PARVB: variants seen among roughly 807,000 people sequenced by gnomAD.
The protein encoded by PARVB is beta-parvin.
In PARVB, 46 loss-of-function variants were observed where a neutral mutation model predicts 47.0. The ratio of observed to expected loss-of-function variants is 0.98; its 90% CI spans 0.77 to 1.25. The LOEUF (loss-of-function observed/expected upper bound fraction) is 1.25. PARVB is among the 50% of genes most tolerant of loss of function. The pLI, the probability that PARVB is intolerant of heterozygous loss-of-function variation, is 0.00. For synonymous variants in PARVB, 196 were observed against 196.3 expected (o/e 1.00, Z 0.01); for missense variants, 473 against 471.6 (o/e 1.00, Z -0.03).
chr22:44,054,526 T>G (rs751261086), intron 1 of PARVB, among the ~76,000 whole-genome samples: 8 of 151,336 alleles, frequency 5.3e-5, no homozygotes, highest in Non-Finnish European at 1.0e-4. Flanking sequence ...GTTAAACTCA[T>G]AGAGAGAGGA....
At chr22:44,044,783 G>T (rs2146925843) in intron 1 of PARVB, among the ~76,000 whole-genome samples, 1 of 152,340 alleles carries the variant, frequency 6.6e-6, no homozygotes, top group Non-Finnish European at 1.5e-5. Flanking sequence ...ACTGTGCTTG[G>T]CTTGGGAGAG....
intron 2 of PARVB, among the ~76,000 whole-genome samples, chr22:44,013,296 G>A (rs16991341): frequency 0.2 from 30,949 of 152,162 alleles, 3,582 homozygotes; most frequent in East Asian, 0.37. Context: ...TCCCATCCAG[G>A]GGTATCACGT....
chr22:44,096,183 C>A (rs1210088318), intron 2 of PARVB, among the ~76,000 whole-genome samples: 2 of 152,224 alleles, frequency 1.3e-5, no homozygotes, highest in Non-Finnish European at 2.9e-5. Flanking sequence ...CGAGGTTGCA[C>A]CACTGCGCTC....
chr22:44,116,912 T>G (rs1289209083), intron 3 of PARVB, among the ~76,000 whole-genome samples: 2 of 151,868 alleles, frequency 1.3e-5, no homozygotes, highest in African/African-American at 4.8e-5. Context: ...AGGCAGGGTG[T>G]TCAGGTGGCT....
rs192772921 is a variant in PARVB, at chr22:44,122,971, A to T, written c.376+3831A>T. Among the ~76,000 whole-genome samples, 160 of 152,276 alleles carry T rather than the reference A, an allele frequency of 1.1e-3. 3 individuals are homozygous for T. Among genetic ancestry groups the T allele is most frequent in the Non-Finnish European group, 4.6e-4 (31 of 68,026 alleles). ...ATATTGTGGGAATATCCTCGTGCAG[A>T]TGTTACAGAAACTAGAATTGTTGAC... On this transcript the variant is annotated intron_variant, in intron 4 of 12. Coordinates refer to ENST00000338758, the MANE Select transcript of PARVB (RefSeq NM_013327.5).
rs2147143066 is a variant in PARVB, at chr22:44,125,292, G to T, written c.376+6152G>T. ...GCTCTTGGCTGTAGAGACACAGTGG[G>T]AAACAAGAGAGATGAGCCCCGCACC... On this transcript the variant is annotated intron_variant, in intron 4 of 12. Coordinates refer to ENST00000338758, the MANE Select transcript of PARVB (RefSeq NM_013327.5). This position sits in a 1 kb window ranked among gnomAD's most constrained non-coding sequence, Gnocchi z 4.1. Among the ~76,000 whole-genome samples, 1 of 142,396 alleles carries T rather than the reference G, an allele frequency of 7.0e-6. No individual in the cohort carries two copies. The highest frequency in any genetic ancestry group is 6.8e-5 in the Admixed American group (1 of 14,634). 93.4% of individuals were successfully genotyped at this position (142,396 alleles called of 152,430 possible).
upstream of PARVB, among the ~76,000 whole-genome samples, chr22:44,020,526 C>T (rs1292741910): frequency 6.6e-6 from 1 of 152,178 alleles, no homozygotes; most frequent in Non-Finnish European, 1.5e-5. Flanking sequence ...TCTGCCTGTG[C>T]TTCTGACTGG....
chr22:44,018,888 AAC>A (rs1311115523), intron 2 of PARVB, among the ~76,000 whole-genome samples: 2 of 147,248 alleles, frequency 1.4e-5, no homozygotes, highest in Non-Finnish European at 3.0e-5. Flanking sequence ...GCTATAAAGG[AAC>A]GCCTGGAGCT....
intron 1 of PARVB, among the ~76,000 whole-genome samples, chr22:44,083,054 T>C (rs1047846665): frequency 6.6e-6 from 1 of 152,078 alleles, no homozygotes; most frequent in Non-Finnish European, 1.5e-5. Context: ...AAGTCCCTAA[T>C]TGCGGAGCGG....
intron 1 of PARVB, among the ~76,000 whole-genome samples, chr22:44,047,921 C>G (rs1472604484): frequency 6.6e-6 from 1 of 152,206 alleles, no homozygotes; most frequent in Non-Finnish European, 1.5e-5. Flanking sequence ...TGCCTCCCCT[C>G]CGGCTCCCCT....
intron 3 of PARVB, chr22:44,111,100 GT>G (rs2052686634): frequency 6.6e-6 from 1 of 150,620 alleles, no homozygotes; most frequent in Non-Finnish European, 1.5e-5. Flanking sequence ...GCTTCTCTGT[GT>G]TTTTCATTTT....
At chr22:44,095,865 C>G (rs1351472809) in intron 2 of PARVB, among the ~76,000 whole-genome samples, 1 of 152,218 alleles carries the variant, frequency 6.6e-6, no homozygotes, top group Non-Finnish European at 1.5e-5. Flanking sequence ...GACCCGAAGC[C>G]AGAGCTGGTG....
At chr22:44,012,435 C>A (rs531857285) in intron 2 of PARVB, among the ~76,000 whole-genome samples, 1 of 152,318 alleles carries the variant, frequency 6.6e-6, no homozygotes, top group Admixed American at 6.5e-5. Context: ...CTAGGCAAGT[C>A]TGGTCATCTC....
intron 1 of PARVB, among the ~76,000 whole-genome samples, chr22:44,071,054 G>A (rs930659338): frequency 6.6e-6 from 1 of 152,182 alleles, no homozygotes; most frequent in Non-Finnish European, 1.5e-5. Context: ...CTGGAGCCCA[G>A]TATCACTCCA....
rs59970855 is a variant in PARVB, at chr22:44,129,498, G to C, written c.377-1989G>C. Among the ~76,000 whole-genome samples, 1,083 of 152,306 alleles carry C rather than the reference G, an allele frequency of 7.1e-3. 15 individuals are homozygous for C. Among genetic ancestry groups the C allele is most frequent in the African/African-American group, 0.025 (1,020 of 41,556 alleles). On this transcript the variant is annotated intron_variant, in intron 4 of 12. Coordinates refer to ENST00000338758, the MANE Select transcript of PARVB (RefSeq NM_013327.5). Reference sequence around the variant, plus strand: ...TGGCAGGTGCAACGGGGGCGCGTCAGGCTTCCCATCTCCCTGGTGGGCGAG... The same window carrying C: ...TGGCAGGTGCAACGGGGGCGCGTCACGCTTCCCATCTCCCTGGTGGGCGAG...
intron 2 of PARVB, 61 bp from the exon 3 acceptor site, chr22:44,099,992 G>T: frequency 7.2e-7 from 1 of 1,387,872 alleles, no homozygotes; most frequent in South Asian, 1.2e-5. Flanking sequence ...CCTCCCCCTG[G>T]TTCCCCGTGT....
rs1250227259 is a variant in PARVB at position 44,103,198 on chromosome 22, T to G, written c.273+3075T>G. On this transcript the variant is annotated intron_variant, in intron 3 of 12. Transcript: ENST00000338758. This position sits in a 1 kb window ranked among gnomAD's most constrained non-coding sequence, Gnocchi z 4.6. The stretch of plus-strand genomic sequence containing the variant: ...GAAGGCCACATTGAGGGGCATGGGG[T>G]GGACTGATGGGAAAGCTAATTAGCA... 6.6e-6 allele frequency: 1 copy of G among 152,028 alleles called. No homozygotes were observed. Among genetic ancestry groups the G allele is most frequent in the Non-Finnish European group, 1.5e-5 (1 of 68,054 alleles). The allele number at this position is 152,028 out of a possible 1,614,324, so 9.4% of individuals were successfully genotyped here. A position where few individuals can be genotyped will look rare whatever the true frequency, so the allele number is the denominator to read the frequency against.
intron 2 of PARVB, among the ~76,000 whole-genome samples, chr22:44,009,316 C>T (rs896934601): frequency 7.2e-5 from 11 of 152,202 alleles, no homozygotes; most frequent in African/African-American, 2.4e-4. Flanking sequence ...ATGAAAGTTT[C>T]TATCACTTTT....
intron 1 of PARVB, among the ~76,000 whole-genome samples, chr22:44,076,213 G>A (rs1250635824): frequency 6.6e-6 from 1 of 152,226 alleles, no homozygotes; most frequent in Admixed American, 6.5e-5. Context: ...CAGCTGAGTT[G>A]GGGGCCCCAT....
Sources: gnomAD v4.1 joint callset for allele counts (sites outside exome capture counted in the v4.1 genomes callset) on GRCh38, gnomAD v4.1.1 for gene constraint, Gnocchi (gnomAD v3.1) non-coding constraint, MANE v1.5 for transcripts, NCBI Gene and HGNC (gene_info 2026-07-23, HGNC 2026-07-21) for gene names.